OTOG: variants seen among roughly 807,000 people sequenced by gnomAD.
OTOG encodes otogelin.
A neutral mutation model predicts 313.8 loss-of-function variants in OTOG; 296 were observed. The observed-to-expected ratio is 0.94, with a 90% CI of 0.86 to 1.04. The LOEUF (loss-of-function observed/expected upper bound fraction) is 1.04, where lower values mean the gene tolerates loss of function less well. OTOG is among the 50% of genes least tolerant of loss of function. The pLI is 0.00. For missense variants in OTOG, 3,948 were observed against 3,840.1 expected, an observed-to-expected ratio of 1.03 and a Z score of -0.74; for synonymous variants, 1,533 against 1,554.9, an observed-to-expected ratio of 0.99 and a Z score of 0.33.
At chr11:17,634,613 G>T (rs1203009903) in intron 44 of OTOG, among the ~76,000 whole-genome samples, 1 of 152,168 alleles carries the variant, frequency 6.6e-6, no homozygotes, top group Non-Finnish European at 1.5e-5. Flanking sequence ...CTTTGGGGTT[G>T]CTGTGAGATG....
rs779238030 is a variant in OTOG, at chr11:17,553,429, A to G, written c.450A>G (p.Thr150=). The change falls in exon 6 of 56, where the codon ACA becomes ACG. Residue 150 remains threonine, a synonymous_variant. Coordinates refer to ENST00000399397, the MANE Select transcript of OTOG (RefSeq NM_001292063.2). ...CGTGGGGGCAGCACCACGTGGAGAC[A>G]TTTGATGGGCTCTACTACTACCTCT... The part of the protein sequence containing the change: ...CRAWGQHHVE[T]FDGLYYYLSG... 41 of 1,475,628 alleles carry G rather than the reference A, an allele frequency of 2.8e-5. 1 individual carries two copies. The highest frequency in any genetic ancestry group is 1.8e-4 in the Admixed American group (7 of 39,268). 91.4% of individuals were successfully genotyped at this position (1,475,628 alleles called of 1,614,324 possible).
intron 8 of OTOG, 146 bp from the exon 9 acceptor site, chr11:17,558,039 C>A (rs765658429): frequency 2.2e-4 from 236 of 1,063,002 alleles, no homozygotes; most frequent in Middle Eastern, 2.2e-3. Context: ...AGTTGGGAAA[C>A]CCTGATTGGG....
At chr11:17,566,218 T>C (rs1209115996) in intron 15 of OTOG, among the ~76,000 whole-genome samples, 1 of 152,228 alleles carries the variant, frequency 6.6e-6, no homozygotes, top group Non-Finnish European at 1.5e-5. Flanking sequence ...TAACCTATGC[T>C]CATCCTCCTG....
intron 22 of OTOG, among the ~76,000 whole-genome samples, chr11:17,577,667 C>T (rs539044710): frequency 1.3e-5 from 2 of 152,090 alleles, no homozygotes; most frequent in African/African-American, 2.4e-5. Context: ...ATCCTGGAAG[C>T]GCTTTTCCTT....
intron 39 of OTOG, among the ~76,000 whole-genome samples, chr11:17,625,549 A>G (rs1343767308): frequency 6.6e-6 from 1 of 152,158 alleles, no homozygotes; most frequent in Non-Finnish European, 1.5e-5. Context: ...CACTGGATCC[A>G]GTTTGCCAAT....
chr11:17,557,350 G>A (rs745601873), intron 8 of OTOG, 27 bp downstream of exon 8: 18 of 1,548,810 alleles, frequency 1.2e-5, no homozygotes, highest in Middle Eastern at 1.7e-4. Flanking sequence ...TGGCCTCTGA[G>A]GGGTGTTGGT....
intron 7 of OTOG, 68 bp downstream of exon 7, chr11:17,555,965 T>TGG: frequency 8.1e-7 from 1 of 1,237,204 alleles, no homozygotes; most frequent in Non-Finnish European, 1.2e-6. Context: ...TGGGTGAGCA[T>TGG]CCGCTCTTCT....
At position 17,631,712 on chromosome 11, in the gene OTOG, TG is replaced by T; in HGVS notation, c.6725del (p.Gly2242GlufsTer9). The T allele has an allele frequency of 1.3e-6, 2 of 1,550,160 alleles. No individual in the cohort carries two copies. Among genetic ancestry groups the T allele is most frequent in the Non-Finnish European group, 1.7e-6 (2 of 1,146,654 alleles). ...TTTGGCCCCTTTCAGGTATCTGTGATGGAGATGCAGCCAATGACCTTACCCT... is the reference window on the plus strand; with the variant it reads ...TTTGGCCCCTTTCAGGTATCTGTGATGAGATGCAGCCAATGACCTTACCCT... ...QGHGLCGICD[G>X]DAANDLTLKD... On this transcript the variant is annotated frameshift_variant, in exon 41 of 56. Transcript: ENST00000399397. LOFTEE classifies it high-confidence loss of function.
At chr11:17,608,931 G>A (rs570219110) in intron 34 of OTOG, among the ~76,000 whole-genome samples, 199 bp from the exon 35 acceptor site, 14 of 152,266 alleles carry the variant, frequency 9.2e-5, no homozygotes, top group East Asian at 3.9e-4. Flanking sequence ...GGAGTGTGCC[G>A]CATACACATT....
At chr11:17,618,590 C>A (rs1466786184) in intron 39 of OTOG, among the ~76,000 whole-genome samples, 2 of 152,154 alleles carry the variant, frequency 1.3e-5, no homozygotes, top group Non-Finnish European at 2.9e-5. Flanking sequence ...GTTGTTCAAG[C>A]CTTCTAAATT....
intron 12 of OTOG, among the ~76,000 whole-genome samples, chr11:17,560,325 G>C (rs1047510007): frequency 1.3e-5 from 2 of 152,174 alleles, no homozygotes; most frequent in African/African-American, 4.8e-5. Flanking sequence ...GCCAGCTCAG[G>C]GGAGTTCAGA....
intron 39 of OTOG, among the ~76,000 whole-genome samples, chr11:17,614,917 T>C (rs1853685195): frequency 6.6e-6 from 1 of 152,210 alleles, no homozygotes; most frequent in Non-Finnish European, 1.5e-5. Flanking sequence ...ACAGGAAGGA[T>C]GTATTTAGCT....
chr11:17,558,365 C>G (rs1248270614), intron 9 of OTOG, 50 bp downstream of exon 9: 2 of 1,543,262 alleles, frequency 1.3e-6, no homozygotes. Flanking sequence ...GACTTGCTAT[C>G]CAACTCTTCG....
At chr11:17,550,597 C>T (rs903694092) in intron 3 of OTOG, among the ~76,000 whole-genome samples, 1 of 152,218 alleles carries the variant, frequency 6.6e-6, no homozygotes, top group Non-Finnish European at 1.5e-5. Flanking sequence ...TCATTTATCT[C>T]AGAGGCCACA....
intron 15 of OTOG, among the ~76,000 whole-genome samples, chr11:17,565,281 G>T (rs1852273421): frequency 6.6e-6 from 1 of 152,144 alleles, no homozygotes; most frequent in Admixed American, 6.5e-5. Flanking sequence ...TTTGGATAAT[G>T]CCTCTCTATT....
At chr11:17,591,904 T>C (rs1852951382) in intron 25 of OTOG, among the ~76,000 whole-genome samples, 1 of 152,230 alleles carries the variant, frequency 6.6e-6, no homozygotes, top group African/African-American at 2.4e-5. Flanking sequence ...TATTGAGCCA[T>C]ATTTTGTGGA....
Position 17,640,939 on chromosome 11 carries a change from G to A in OTOG, c.8038G>A (p.Glu2680Lys), listed in dbSNP as rs758935605. Reference protein sequence around the residue: ...CVKAPVCLSRELGVMQPGQTV... With the variant: ...CVKAPVCLSRKLGVMQPGQTV... Reference sequence around the variant, plus strand: ...GAAGGCCCCGGTGTGTCTGAGCCGCGAGCTGGGTGTGATGCAGCCCGGCCA... The same window carrying A: ...GAAGGCCCCGGTGTGTCTGAGCCGCAAGCTGGGTGTGATGCAGCCCGGCCA... The change falls in exon 51 of 56, where the codon GAG (glutamate) becomes AAG (lysine). Residue 2680 changes from glutamate (E) to lysine (K), a missense_variant. Coordinates refer to ENST00000399397, the MANE Select transcript of OTOG (RefSeq NM_001292063.2). 7.7e-5 allele frequency: 119 copies of A among 1,548,234 alleles called. 2 individuals carry two copies. The South Asian group carries it at 1.2e-3, about 15-fold the overall frequency.
chr11:17,630,206 G>T (rs931560687), intron 40 of OTOG, among the ~76,000 whole-genome samples: 2 of 152,154 alleles, frequency 1.3e-5, no homozygotes, highest in Non-Finnish European at 2.9e-5. Context: ...GTTTTATGGT[G>T]CTTCCATTCT....
At chr11:17,548,018 C>A in intron 2 of OTOG, 31 bp downstream of exon 2, 1 of 1,008,782 alleles carries the variant, frequency 9.9e-7, no homozygotes, top group Middle Eastern at 3.1e-4. Context: ...GCGGCCCCAC[C>A]CACAGCTCCC....
Sources: allele counts gnomAD v4.1 joint callset (sites outside exome capture counted in the v4.1 genomes callset), GRCh38; gene constraint gnomAD v4.1.1; transcripts MANE v1.5; gene names NCBI Gene and HGNC (gene_info 2026-07-23, HGNC 2026-07-21).